TOP2B: variants seen among roughly 807,000 people sequenced by gnomAD.
TOP2B encodes the protein DNA topoisomerase 2-beta.
In TOP2B, 51 loss-of-function variants were observed where a neutral mutation model predicts 193.5. The ratio of observed to expected loss-of-function variants is 0.26; its 90% CI spans 0.21 to 0.33. The LOEUF is 0.33. Ranked by LOEUF, TOP2B falls within the 10% of genes least tolerant of loss-of-function variation. The pLI, the probability that TOP2B is intolerant of heterozygous loss-of-function variation, is 1.00. For synonymous variants in TOP2B, 634 were observed against 635.7 expected, an observed-to-expected ratio of 1.00 and a Z score of 0.04; for missense variants, 1,378 against 1,909.3, an observed-to-expected ratio of 0.72 and a Z score of 5.19.
intron 32 of TOP2B, among the ~76,000 whole-genome samples, chr3:25,605,547 C>A (rs1240515023): frequency 1.3e-5 from 2 of 151,872 alleles, no homozygotes; most frequent in East Asian, 3.9e-4. Context: ...GATAGTGAAT[C>A]AATTAAGTGA....
intron 29 of TOP2B, 56 bp downstream of exon 29, chr3:25,609,512 A>G (rs1468686253): frequency 6.4e-7 from 1 of 1,558,916 alleles, no homozygotes; most frequent in Non-Finnish European, 8.7e-7. Context: ...ATCTAGTAAT[A>G]CTCTATACAA....
At chr3:25,632,129 G>A (rs1298592424) in intron 10 of TOP2B, among the ~76,000 whole-genome samples, 2 of 152,024 alleles carry the variant, frequency 1.3e-5, no homozygotes, top group Non-Finnish European at 2.9e-5. Flanking sequence ...TGAAATGAGA[G>A]TAGAAAAGAT....
chr3:25,626,866 T>C lies in TOP2B; in HGVS notation c.2017-2A>G. ...ATCAATCTTCTTCTTACTAAATGCC[T>C]GAAAGATTCCAGGTAACGATTTTGC... On this transcript the variant is annotated splice_acceptor_variant, in intron 16 of 35. Coordinates refer to ENST00000264331, the MANE Select transcript of TOP2B (RefSeq NM_001330700.2). LOFTEE classifies it high-confidence loss of function. The C allele has an allele frequency of 6.4e-7, 1 of 1,567,082 alleles. No individual in the cohort carries two copies. Among genetic ancestry groups the C allele is most frequent in the South Asian group, 1.2e-5 (1 of 86,546 alleles).
chr3:25,634,055 T>C, intron 7 of TOP2B, 41 bp from the exon 8 acceptor site: 1 of 1,485,302 alleles, frequency 6.7e-7, no homozygotes, highest in African/African-American at 1.4e-5. Context: ...AATCTTACAC[T>C]GGCAGCTCAA....
At chr3:25,642,733 G>C (rs180858603) in intron 3 of TOP2B, among the ~76,000 whole-genome samples, 16 of 152,112 alleles carry the variant, frequency 1.1e-4, no homozygotes, top group Non-Finnish European at 1.5e-4. Flanking sequence ...TTTTCTCTTG[G>C]TAACAAGCAA....
At chr3:25,605,091 A>G (rs1174280389) in intron 32 of TOP2B, among the ~76,000 whole-genome samples, 1 of 152,174 alleles carries the variant, frequency 6.6e-6, no homozygotes, top group African/African-American at 2.4e-5. Flanking sequence ...AAGTGCATAA[A>G]GTAGTAAAAA....
chr3:25,601,541 C>T (rs1702095424), intron 33 of TOP2B, among the ~76,000 whole-genome samples: 1 of 152,132 alleles, frequency 6.6e-6, no homozygotes, highest in South Asian at 2.1e-4. Context: ...ATCGCTTGAA[C>T]CCGGGAGGTC....
At chr3:25,664,190 G>A in intron 1 of TOP2B, 39 bp downstream of exon 1, 5 of 1,537,912 alleles carry the variant, frequency 3.3e-6, no homozygotes, top group Non-Finnish European at 4.4e-6. Flanking sequence ...CGCGGGCCCG[G>A]AACAATGCAG....
In TOP2B at chr3:25,612,543, G is replaced by A; in HGVS notation, c.3758C>T (p.Ala1253Val). 1 of 1,609,106 alleles carries A rather than the reference G, an allele frequency of 6.2e-7. No individual in the cohort carries two copies. Among genetic ancestry groups the A allele is most frequent in the Non-Finnish European group, 8.5e-7 (1 of 1,177,862 alleles). Residue 1253 changes from alanine (A) to valine (V), a missense_variant, in exon 28 of 36, where the codon GCC (alanine) becomes GTC (valine). By Grantham distance (64) the Ala-to-Val change is moderately conservative (BLOSUM62 0). This residue lies in a region of TOP2B where 556 missense variants were observed against 584.2 expected (regional missense o/e 0.95). Transcript: ENST00000264331. ...IPEITAMKAD[A>V]SKKLLKKKKG... The stretch of plus-strand genomic sequence containing the variant: ...CTTCTTCTTCAGCAACTTTTTGCTG[G>A]CATCTGCCTTCATAGCTGTAATTTC...
chr3:25,650,121 T>TAAA (rs2125402503), intron 1 of TOP2B, among the ~76,000 whole-genome samples: 1 of 152,308 alleles, frequency 6.6e-6, no homozygotes, highest in East Asian at 1.9e-4. Flanking sequence ...GCCTAATTAT[T>TAAA]TATCATCAAA....
chr3:25,631,067 G>T, intron 10 of TOP2B, 128 bp from the exon 11 acceptor site: 2 of 678,616 alleles, frequency 2.9e-6, no homozygotes, highest in Non-Finnish European at 4.5e-6. Context: ...AACAATAATG[G>T]TGATAAGCAT....
At position 25,618,470 on chromosome 3, in the gene TOP2B, T is replaced by C. The variant is rs1303281301; in HGVS notation, c.3299A>G (p.Gln1100Arg). Reference protein sequence around the residue: ...SKKDLIQMLVQRGYESDPVKA... With the variant: ...SKKDLIQMLVRRGYESDPVKA... ...CACTGGGTCAGATTCATAACCTCTC[T>C]GGACTAACATTTGAATCAAATCTTT... Residue 1100 changes from glutamine (Q) to arginine (R), a missense_variant, in exon 25 of 36, where the codon CAG becomes CGG. This residue lies in a region of TOP2B where 379 missense variants were observed against 615.1 expected (regional missense o/e 0.62). Coordinates refer to ENST00000264331, the MANE Select transcript of TOP2B (RefSeq NM_001330700.2). 5 of 1,613,158 alleles carry C rather than the reference T, an allele frequency of 3.1e-6. No individual in the cohort carries two copies. Among genetic ancestry groups the C allele is most frequent in the Non-Finnish European group, 3.4e-6 (4 of 1,179,362 alleles).
Position 25,664,633 on chromosome 3 carries a change from C to CT in TOP2B, c.-337_-336insA. ...GGCGCCGCTGCAGGCCGGGCTGAAG[C>CT]CCGGGCGTGCGAGCCGCGAGGGCGG... On this transcript the variant is annotated 5_prime_UTR_variant, in exon 1 of 36. Coordinates refer to ENST00000264331, the MANE Select transcript of TOP2B (RefSeq NM_001330700.2). 2 of 990,504 alleles carry CT rather than the reference C, an allele frequency of 2.0e-6. No individual in the cohort carries two copies. Among genetic ancestry groups the CT allele is most frequent in the Non-Finnish European group, 2.4e-6 (2 of 833,782 alleles). 61.4% of individuals were successfully genotyped at this position (990,504 alleles called of 1,614,324 possible). A position where few individuals can be genotyped will look rare whatever the true frequency, so the allele number is the denominator to read the frequency against.
intron 8 of TOP2B, 21 bp from the exon 9 acceptor site, chr3:25,632,815 G>C: frequency 6.3e-7 from 1 of 1,585,306 alleles, no homozygotes; most frequent in Non-Finnish European, 8.6e-7. Flanking sequence ...AAAAATATAT[G>C]AAATCTGAAA....
chr3:25,638,854 C>T (rs944130286), intron 4 of TOP2B, among the ~76,000 whole-genome samples: 1 of 152,070 alleles, frequency 6.6e-6, no homozygotes, highest in Non-Finnish European at 1.5e-5. Context: ...AATCTCTAAA[C>T]AATTATTCAG....
chr3:25,647,607 A>G (rs1183105585), intron 1 of TOP2B, among the ~76,000 whole-genome samples: 1 of 140,042 alleles, frequency 7.1e-6, no homozygotes, highest in Non-Finnish European at 1.6e-5. Context: ...TAAAGGGCAC[A>G]CAGGGATAAA....
Position 25,624,694 on chromosome 3 carries a change from A to G in TOP2B, c.2334T>C (p.Tyr778=). The G allele has an allele frequency of 6.2e-7, 1 of 1,613,750 alleles. No individual in the cohort carries two copies. ...LAGSVAEMSA[Y]HHGEQALMMT... ...TCTTAATGCTTACTTCTCCATGATG[A>G]TAAGCCGACATCTCAGCAACAGAGC... Residue 778 remains tyrosine, a synonymous_variant, in exon 19 of 36, where the codon TAT becomes TAC. Transcript: ENST00000264331.
Position 25,598,309 on chromosome 3 carries a change from A to AATT in TOP2B, c.4876_4878dup (p.Asn1626dup). On this transcript the variant is annotated inframe_insertion, in exon 36 of 36. Transcript: ENST00000264331. ...AAATGTTTGTGCTCTTTGGGCACTT[A>AATT]ATTAAACATTGCAAAATCAACATCA... 1 of 1,607,186 alleles carries AATT rather than the reference A, an allele frequency of 6.2e-7. No individual in the cohort carries two copies. Among genetic ancestry groups the AATT allele is most frequent in the African/African-American group, 1.3e-5 (1 of 74,844 alleles).
In TOP2B at chr3:25,632,797, A is replaced by G. The variant is rs773093529; in HGVS notation, c.1027-3T>C. ...ACATAATCCACGTGCCGTCCACCCT[A>G]AAGAAAAAAAAATATATGAAATCTG... is the stretch of plus-strand genomic sequence containing the variant. On this transcript the variant is annotated splice_polypyrimidine_tract_variant and splice_region_variant and intron_variant, in intron 8 of 35. Coordinates refer to ENST00000264331, the MANE Select transcript of TOP2B (RefSeq NM_001330700.2). 1.9e-6 allele frequency: 3 copies of G among 1,608,590 alleles called. No individual in the cohort carries two copies. Among genetic ancestry groups the G allele is most frequent in the Non-Finnish European group, 2.5e-6 (3 of 1,176,738 alleles).
Sources: gnomAD v4.1 joint callset for allele counts (sites outside exome capture counted in the v4.1 genomes callset) on GRCh38, gnomAD v4.1.1 for gene constraint, gnomAD v4.1.1 regional missense constraint, MANE v1.5 for transcripts, NCBI Gene and HGNC (gene_info 2026-07-23, HGNC 2026-07-21) for gene names.